ARMH3: variants seen among roughly 807,000 people sequenced by gnomAD.
ARMH3 encodes armadillo like helical domain containing 3.
ARMH3 carries 60 observed loss-of-function variants against 99.1 expected under a neutral mutation model. The ratio of observed to expected loss-of-function variants is 0.61; its 90% CI spans 0.49 to 0.75. ARMH3 has a LOEUF of 0.75. Among genes scored for constraint, ARMH3 ranks in the 30% least tolerant of loss-of-function variants. The pLI is 0.00. For synonymous variants in ARMH3, 285 were observed against 292.8 expected (o/e 0.97, Z 0.27); for missense variants, 679 against 843.1 (o/e 0.81, Z 2.41).
intron 20 of ARMH3, among the ~76,000 whole-genome samples, chr10:101,966,645 AC>A (rs1171865874): frequency 6.6e-6 from 1 of 152,114 alleles, no homozygotes; most frequent in African/African-American, 2.4e-5. Flanking sequence ...CCCACAAGGA[AC>A]CTTTTTTGCA....
chr10:101,989,089 C>T (rs1261082871), intron 19 of ARMH3, among the ~76,000 whole-genome samples: 1 of 152,108 alleles, frequency 6.6e-6, no homozygotes, highest in Non-Finnish European at 1.5e-5. Flanking sequence ...ATTCTGATGT[C>T]ACACTCAATT....
At chr10:102,015,040 G>A (rs1405255147) in intron 8 of ARMH3, among the ~76,000 whole-genome samples, 12 of 152,234 alleles carry the variant, frequency 7.9e-5, no homozygotes, top group Non-Finnish European at 1.2e-4. Context: ...TCTTTCGCAC[G>A]TCAACTGGGA....
intron 20 of ARMH3, among the ~76,000 whole-genome samples, chr10:101,960,746 C>T (rs1845258349): frequency 6.6e-6 from 1 of 151,854 alleles, no homozygotes; most frequent in African/African-American, 2.4e-5. Flanking sequence ...AAAAATTAGC[C>T]AGGCACGGTG....
chr10:101,902,950 C>A (rs545561161), intron 23 of ARMH3, among the ~76,000 whole-genome samples: 1 of 152,056 alleles, frequency 6.6e-6, no homozygotes, highest in Admixed American at 6.6e-5. Context: ...GAGGGTGAGG[C>A]GGTTGGCTCT....
intron 23 of ARMH3, among the ~76,000 whole-genome samples, chr10:101,936,006 T>C (rs1213293951): frequency 6.6e-6 from 1 of 152,142 alleles, no homozygotes; most frequent in Non-Finnish European, 1.5e-5. Context: ...CAAAGGAGCC[T>C]AAGGCAGCAC....
chr10:101,931,212 T>A (rs997717198), intron 23 of ARMH3, among the ~76,000 whole-genome samples: 2 of 152,192 alleles, frequency 1.3e-5, no homozygotes, highest in East Asian at 3.8e-4. Context: ...AGTTAAGAAA[T>A]CTGAGCTGTA....
intron 23 of ARMH3, among the ~76,000 whole-genome samples, chr10:101,928,713 T>TTTG (rs1181385203): frequency 6.6e-6 from 1 of 152,008 alleles, no homozygotes; most frequent in East Asian, 1.9e-4. Flanking sequence ...AATAAGATAT[T>TTTG]TTGTTGTTGT....
intron 24 of ARMH3, among the ~76,000 whole-genome samples, chr10:101,870,728 T>C (rs1009813537): frequency 4.6e-5 from 7 of 152,158 alleles, no homozygotes; most frequent in African/African-American, 1.7e-4. Context: ...CTTCCCCAAC[T>C]CATTTTTTAA....
At chr10:102,015,139 T>C (rs966835024) in intron 8 of ARMH3, among the ~76,000 whole-genome samples, 7 of 152,148 alleles carry the variant, frequency 4.6e-5, no homozygotes, top group Non-Finnish European at 8.8e-5. Flanking sequence ...ACCCACTCCA[T>C]TTGTTACTTG....
intron 2 of ARMH3, among the ~76,000 whole-genome samples, chr10:102,038,305 A>C (rs1035982738): frequency 6.6e-6 from 1 of 151,998 alleles, no homozygotes; most frequent in Non-Finnish European, 1.5e-5. Context: ...CATGTTAGCC[A>C]GGAAGGTCTC....
At chr10:101,999,983 T>C (rs1366233420) in intron 15 of ARMH3, among the ~76,000 whole-genome samples, 1 of 152,056 alleles carries the variant, frequency 6.6e-6, no homozygotes, top group Non-Finnish European at 1.5e-5. Flanking sequence ...CTCCAGAAGC[T>C]AAGGCAGGAG....
intron 23 of ARMH3, among the ~76,000 whole-genome samples, chr10:101,930,893 T>TTA (rs1353342025): frequency 6.6e-6 from 1 of 152,150 alleles, no homozygotes; most frequent in Non-Finnish European, 1.5e-5. Context: ...TCTACATGCT[T>TTA]TATATATATT....
intron 14 of ARMH3, among the ~76,000 whole-genome samples, chr10:102,004,276 G>A (rs1554887622): frequency 6.6e-6 from 1 of 152,100 alleles, no homozygotes; most frequent in Non-Finnish European, 1.5e-5. Context: ...TTAAAAACAA[G>A]GTTGTAATAC....
chr10:102,051,474 G>GAA (rs771899987), intron 1 of ARMH3, among the ~76,000 whole-genome samples: 2 of 129,640 alleles, frequency 1.5e-5, no homozygotes, highest in Admixed American at 7.9e-5. Flanking sequence ...CTCCATTTCG[G>GAA]AAAAAAAAAA....
chr10:101,990,551 A>C lies in ARMH3; in HGVS notation c.1406T>G (p.Ile469Arg). The C allele has an allele frequency of 1.3e-6, 2 of 1,568,946 alleles. No individual in the cohort carries two copies. The highest frequency in any genetic ancestry group is 1.8e-6 in the Non-Finnish European group (2 of 1,139,408). ...TAAATGTGTACATATTTGTACTTAC[A>C]TATAGAGATCCATAGGAAACTCCTT... ...MMKEFPMDLYIRCIQVVHKLL... is the reference protein window; with the variant it reads ...MMKEFPMDLYRRCIQVVHKLL... The change falls in exon 19 of 26, where the codon ATA becomes AGA. Residue 469 changes from isoleucine (I) to arginine (R), a missense_variant and splice_region_variant. Transcript: ENST00000370033.
chr10:101,975,501 C>T (rs1381214535), intron 19 of ARMH3, among the ~76,000 whole-genome samples: 1 of 152,090 alleles, frequency 6.6e-6, no homozygotes, highest in Non-Finnish European at 1.5e-5. Context: ...GAGGCCAAGG[C>T]AGGTAGATCA....
chr10:101,944,328 A>AGTGT (rs1383849467), intron 22 of ARMH3, among the ~76,000 whole-genome samples: 6 of 108,002 alleles, frequency 5.6e-5, no homozygotes, highest in Non-Finnish European at 7.6e-5. Context: ...AGAGAGAGAG[A>AGTGT]GTCCAAACTG....
intron 23 of ARMH3, among the ~76,000 whole-genome samples, chr10:101,893,752 G>A (rs1045309188): frequency 6.6e-6 from 1 of 152,052 alleles, no homozygotes; most frequent in East Asian, 1.9e-4. Context: ...GGCAGGGAGG[G>A]AGGGAGTGAG....
At chr10:102,047,328 G>T (rs914091768) in intron 1 of ARMH3, among the ~76,000 whole-genome samples, 6 of 151,974 alleles carry the variant, frequency 3.9e-5, no homozygotes, top group Non-Finnish European at 7.4e-5. Context: ...ACAGAAAAAA[G>T]AAATGGAAAA....
Sources: allele counts gnomAD v4.1 joint callset (sites outside exome capture counted in the v4.1 genomes callset), GRCh38; gene constraint gnomAD v4.1.1; transcripts MANE v1.5; gene names NCBI Gene and HGNC (gene_info 2026-07-23, HGNC 2026-07-21).